ERICH1: variants seen among roughly 807,000 people sequenced by gnomAD.
ERICH1 encodes the protein glutamate rich 1.
ERICH1 carries 56 observed loss-of-function variants against 39.6 expected under a neutral mutation model. The ratio of observed to expected loss-of-function variants is 1.41; its 90% CI spans 1.14 to 1.77. The LOEUF (loss-of-function observed/expected upper bound fraction) is 1.77, where lower values mean the gene tolerates loss of function less well. Ranked by LOEUF, ERICH1 falls within the 40% of genes most tolerant of loss-of-function variation. The pLI, the probability that ERICH1 is intolerant of heterozygous loss-of-function variation, is 0.00. For synonymous variants in ERICH1, 313 were observed against 223.6 expected (o/e 1.40, Z -3.57); for missense variants, 826 against 575.4 (o/e 1.44, Z -4.45).
At chr8:635,744 T>C (rs1798387628) in intron 3 of ERICH1, among the ~76,000 whole-genome samples, 1 of 152,024 alleles carries the variant, frequency 6.6e-6, no homozygotes, top group South Asian at 2.1e-4. Context: ...CACCATCGAG[T>C]GGGGCCGACG....
chr8:620,080 A>G (rs180997823), intron 3 of ERICH1, among the ~76,000 whole-genome samples: 2,014 of 151,946 alleles, frequency 0.013, 32 homozygotes, highest in African/African-American at 0.046. Context: ...TTGGGAGGCC[A>G]AGGTGGGTGG....
chr8:656,455 T>G (rs899901093), intron 3 of ERICH1, among the ~76,000 whole-genome samples: 67 of 152,192 alleles, frequency 4.4e-4, no homozygotes, highest in Admixed American at 1.9e-3. Context: ...ATCTCTATGT[T>G]TGTTTGCCCC....
chr8:705,963 A>G (rs927272540), intron 2 of ERICH1, among the ~76,000 whole-genome samples: 1 of 152,152 alleles, frequency 6.6e-6, no homozygotes, highest in Non-Finnish European at 1.5e-5. Context: ...AGGACGGCGG[A>G]CCCTGAAGAT....
chr8:705,790 G>A (rs1257528252), intron 2 of ERICH1, among the ~76,000 whole-genome samples: 1 of 152,216 alleles, frequency 6.6e-6, no homozygotes, highest in African/African-American at 2.4e-5. Flanking sequence ...CGAAATCACA[G>A]ATGACAGCAT....
chr8:681,415 A>T (rs962646136), intron 3 of ERICH1, among the ~76,000 whole-genome samples: 9 of 152,256 alleles, frequency 5.9e-5, no homozygotes, highest in African/African-American at 1.9e-4. Flanking sequence ...GGGTCACAAT[A>T]ATTTGGCAAC....
At chr8:685,548 T>C (rs1807136168) in intron 3 of ERICH1, among the ~76,000 whole-genome samples, 2 of 152,204 alleles carry the variant, frequency 1.3e-5, no homozygotes, top group Non-Finnish European at 2.9e-5. Flanking sequence ...TACATGTCCA[T>C]GAAATCTTCA....
At chr8:632,386 T>C (rs1480883126) in intron 3 of ERICH1, among the ~76,000 whole-genome samples, 1 of 152,234 alleles carries the variant, frequency 6.6e-6, no homozygotes, top group Non-Finnish European at 1.5e-5. Flanking sequence ...GATCTTTTCT[T>C]ATTTCAGATG....
At chr8:634,694 C>A (rs542710631) in intron 3 of ERICH1, among the ~76,000 whole-genome samples, 1 of 152,182 alleles carries the variant, frequency 6.6e-6, no homozygotes, top group Non-Finnish European at 1.5e-5. Context: ...TGGGCACCCA[C>A]TCAGCTGGTC....
In ERICH1 at chr8:615,299, T is replaced by G. The variant is rs1490728523; in HGVS notation, c.977-15A>C. Reference sequence around the variant, plus strand: ...GCTTAGGACTCCTGGAAAATCAGGTTAAGGGAGATCAGTTGTGTTCATCAT... The same window carrying G: ...GCTTAGGACTCCTGGAAAATCAGGTGAAGGGAGATCAGTTGTGTTCATCAT... On this transcript the variant is annotated splice_polypyrimidine_tract_variant and intron_variant, in intron 3 of 3. Coordinates refer to the ERICH1 transcript ENST00000522706. 1.2e-5 allele frequency: 8 copies of G among 675,886 alleles called. No individual in the cohort carries two copies. In the Admixed American group the frequency reaches 1.7e-4, roughly 14 times the overall value. 41.9% of individuals were successfully genotyped at this position (675,886 alleles called of 1,614,324 possible).
intron 3 of ERICH1, among the ~76,000 whole-genome samples, chr8:681,787 G>C (rs191848733): frequency 2.0e-5 from 3 of 152,308 alleles, no homozygotes; most frequent in South Asian, 2.1e-4. Context: ...GAGACTGCCC[G>C]GCTGAGCCTT....
intron 2 of ERICH1, among the ~76,000 whole-genome samples, chr8:707,269 G>A (rs1486460427): frequency 6.9e-6 from 1 of 143,898 alleles, no homozygotes; most frequent in Non-Finnish European, 1.5e-5. Flanking sequence ...GTGCAATGAT[G>A]CGATCTTGGC....
At chr8:673,262 G>C (rs766405100) in intron 4 of ERICH1, 27 bp downstream of exon 4, 2 of 1,570,846 alleles carry the variant, frequency 1.3e-6, no homozygotes, top group Non-Finnish European at 1.7e-6. Context: ...ATGTCACTAT[G>C]CAAGAGAAAA....
intron 1 of ERICH1, among the ~76,000 whole-genome samples, chr8:718,353 CATA>C (rs1215505226): frequency 1.3e-5 from 2 of 152,054 alleles, no homozygotes; most frequent in Admixed American, 6.5e-5. Flanking sequence ...CTAAAAGCGA[CATA>C]ATAAGAATGT....
At chr8:722,910 C>T (rs1171613755) in intron 1 of ERICH1, among the ~76,000 whole-genome samples, 4 of 152,220 alleles carry the variant, frequency 2.6e-5, no homozygotes, top group Admixed American at 2.0e-4. Context: ...CAAATATTCA[C>T]GAGTGACTTT....
In ERICH1 at chr8:617,483, T is replaced by A. The variant is rs147351577; in HGVS notation, c.977-2199A>T. Reference sequence around the variant, plus strand: ...TGCTGAGTGCTTGGTGCTCGGTCTATCCTCACTTCCCTCTGAATGCTGAGG... The same window carrying A: ...TGCTGAGTGCTTGGTGCTCGGTCTAACCTCACTTCCCTCTGAATGCTGAGG... On this transcript the variant is annotated intron_variant, in intron 3 of 3. Transcript: ENST00000522706. Among the ~76,000 whole-genome samples the A allele has an allele frequency of 7.7e-3, 1,168 of 152,320 alleles. 17 individuals are homozygous for A. The highest frequency in any genetic ancestry group is 0.027 in the African/African-American group (1,107 of 41,562).
At chr8:669,197 G>C (rs112555760) in intron 4 of ERICH1, 1 of 4,180 alleles carries the variant, frequency 2.4e-4, no homozygotes, top group African/African-American at 1.3e-3. Context: ...CCGTCTACAC[G>C]TCTGTCTGGT....
At position 664,574 on chromosome 8, in the gene ERICH1, A is replaced by G. The variant is rs748924815; in HGVS notation, c.*29T>C. ...TGTCTTTTAAGTTTTTTTGTTAAAG[A>G]GGAGCTGTTCTTAAAGAGATATTCC... is the stretch of plus-strand genomic sequence containing the variant. On this transcript the variant is annotated 3_prime_UTR_variant, in exon 6 of 6. Transcript: ENST00000262109. 6.3e-7 allele frequency: 1 copy of G among 1,584,354 alleles called. No individual in the cohort carries two copies. Among genetic ancestry groups the G allele is most frequent in the South Asian group, 1.2e-5 (1 of 84,824 alleles).
intron 1 of ERICH1, among the ~76,000 whole-genome samples, chr8:720,718 A>C (rs981032830): frequency 6.6e-6 from 1 of 152,244 alleles, no homozygotes; most frequent in Non-Finnish European, 1.5e-5. Context: ...AAAACCTTTC[A>C]GCAGCCTAAG....
chr8:681,611 GA>G (rs928876529), intron 3 of ERICH1, among the ~76,000 whole-genome samples: 5 of 152,238 alleles, frequency 3.3e-5, no homozygotes, highest in Non-Finnish European at 5.9e-5. Context: ...CTTGCCACCA[GA>G]AGCCACAGAA....
Sources: gnomAD v4.1 joint callset for allele counts (sites outside exome capture counted in the v4.1 genomes callset) on GRCh38, gnomAD v4.1.1 for gene constraint, MANE v1.5 for transcripts, NCBI Gene and HGNC (gene_info 2026-07-23, HGNC 2026-07-21) for gene names.